The following PLEKHG4B variants were observed in gnomAD, a reference collection of about 807,000 sequenced individuals.
PLEKHG4B encodes the protein pleckstrin homology and RhoGEF domain containing G4B, also known as pleckstrin homology domain-containing family G member 4B.
A neutral mutation model predicts 121.3 loss-of-function variants in PLEKHG4B; 111 were observed. That is an observed-to-expected ratio of 0.92 (90% CI 0.78 to 1.07). PLEKHG4B has a LOEUF of 1.07. Among genes scored for constraint, PLEKHG4B ranks in the 50% least tolerant of loss-of-function variants. The pLI is 0.00. For missense variants in PLEKHG4B, 1,831 were observed against 1,757.8 expected (o/e 1.04, Z -0.74); for synonymous variants, 738 against 725.0 (o/e 1.02, Z -0.29).
At chr5:161,265 C>T (rs1319016185) in intron 11 of PLEKHG4B, among the ~76,000 whole-genome samples, 1 of 152,246 alleles carries the variant, frequency 6.6e-6, no homozygotes, top group Non-Finnish European at 1.5e-5. Context: ...AGGGGCCAAG[C>T]AGCCACTGGC....
rs29674 is a variant in PLEKHG4B, at chr5:163,145, A to C, written c.3073A>C (p.Thr1025Pro). 1,542,618 of 1,548,864 alleles carry C rather than the reference A, an allele frequency of 1. 768,614 individuals carry two copies. Among genetic ancestry groups the C allele is most frequent in the Non-Finnish European group, 1 (1,148,133 of 1,148,236 alleles). ...GCTTCTGTGTGGACAGGACGGGGAG[A>C]CCCTGCGCCCAGGGCTGTGTGCTCT... ...RALLCGQDGE[T>P]LRPGLCALWD... Residue 1025 changes from threonine (T) to proline (P), a missense_variant, in exon 13 of 20, where the codon ACC becomes CCC. By Grantham distance (38) the Thr-to-Pro change is conservative (BLOSUM62 -1). Transcript: ENST00000637938.
intron 2 of PLEKHG4B, among the ~76,000 whole-genome samples, chr5:135,277 A>C (rs1734923233): frequency 6.6e-6 from 1 of 151,942 alleles, no homozygotes; most frequent in Non-Finnish European, 1.5e-5. Context: ...AAGGTAAAAG[A>C]CTTGTTCACT....
Position 161,870 on chromosome 5 carries a change from G to C in PLEKHG4B, c.2575G>C (p.Ala859Pro). 1 of 1,613,786 alleles carries C rather than the reference G, an allele frequency of 6.2e-7. No homozygotes were observed. The highest frequency in any genetic ancestry group is 8.5e-7 in the Non-Finnish European group (1 of 1,180,014). The stretch of plus-strand genomic sequence containing the variant: ...CCAGGATTTCAGAAGGGGCCTGAGC[G>C]CCGTGGTCAGCCAGGCTGAGTGCAG... ...MVQDFRRGLSAVVSQAECREG... is the reference protein window; with the variant it reads ...MVQDFRRGLSPVVSQAECREG... Residue 859 changes from alanine (A) to proline (P), a missense_variant, in exon 12 of 20, where the codon GCC (alanine) becomes CCC (proline). Physicochemically the swap from Ala to Pro is conservative, Grantham distance 27. Coordinates refer to ENST00000637938, the MANE Select transcript of PLEKHG4B (RefSeq NM_052909.5).
At chr5:108,960 G>A (rs1296903840) in intron 1 of PLEKHG4B, among the ~76,000 whole-genome samples, 5 of 152,216 alleles carry the variant, frequency 3.3e-5, no homozygotes, top group Non-Finnish European at 7.3e-5. Context: ...CTGAATGGCT[G>A]TGACCAGGTG....
In PLEKHG4B at chr5:169,579, GT is replaced by G; in HGVS notation, c.3719del (p.Phe1240SerfsTer2). The G allele has an allele frequency of 6.2e-7, 1 of 1,613,330 alleles. No homozygotes were observed. Among genetic ancestry groups the G allele is most frequent in the African/African-American group, 1.3e-5 (1 of 75,082 alleles). Reference sequence around the variant, plus strand: ...CACTGCCCCTTGGCCGTGGGCCGCAGTTTCCTGAGACACGTAAGTGCAGGCC... The same window carrying G: ...CACTGCCCCTTGGCCGTGGGCCGCAGTTCCTGAGACACGTAAGTGCAGGCC... ...CQHCPLAVGR[S>X]FLRHEEQFGM... On this transcript the variant is annotated frameshift_variant, in exon 14 of 20. Coordinates refer to ENST00000637938, the MANE Select transcript of PLEKHG4B (RefSeq NM_052909.5). LOFTEE classifies it high-confidence loss of function.
Position 106,996 on chromosome 5 carries a change from C to T in PLEKHG4B, c.46-6255C>T, listed in dbSNP as rs1219320934. On this transcript the variant is annotated intron_variant, in intron 1 of 19. Coordinates refer to ENST00000637938, the MANE Select transcript of PLEKHG4B (RefSeq NM_052909.5). ...TGCAGTTCTTATCCGATTCTTTTCC[C>T]GGCAAGGCCTGCTCAGTGCAGACAT... Among the ~76,000 whole-genome samples the T allele has an allele frequency of 3.3e-5, 5 of 152,370 alleles. No homozygotes were observed. In the East Asian group the frequency reaches 5.8e-4, roughly 18 times the overall value.
chr5:151,402 GC>G (rs1294596686), intron 6 of PLEKHG4B, 110 bp from the exon 7 acceptor site: 1 of 610,452 alleles, frequency 1.6e-6, no homozygotes, highest in East Asian at 3.0e-5. Context: ...TGCACTGTAG[GC>G]ACTCTGGGAA....
intron 1 of PLEKHG4B, among the ~76,000 whole-genome samples, chr5:107,906 T>G (rs1032692351): frequency 6.6e-6 from 1 of 152,154 alleles, no homozygotes; most frequent in Admixed American, 6.5e-5. Flanking sequence ...TTTGTATACC[T>G]GGGCTTCAGG....
chr5:171,899 C>G (rs945996948), intron 16 of PLEKHG4B, among the ~76,000 whole-genome samples: 3 of 152,214 alleles, frequency 2.0e-5, no homozygotes, highest in Non-Finnish European at 4.4e-5. Flanking sequence ...TGCTGCTGCC[C>G]GCGACCGGCT....
intron 2 of PLEKHG4B, among the ~76,000 whole-genome samples, chr5:123,865 A>G (rs1734536224): frequency 6.6e-6 from 1 of 151,492 alleles, no homozygotes. Flanking sequence ...CTCTGTTCTA[A>G]TCTTTATTGT....
rs1449852721 is a variant in PLEKHG4B at position 137,808 on chromosome 5, T to A, written c.244-1675T>A. 1.3e-5 allele frequency among the ~76,000 whole-genome samples: 2 copies of A among 152,200 alleles called. No individual in the cohort carries two copies. The highest frequency in any genetic ancestry group is 1.3e-4 in the Admixed American group (2 of 15,286). On this transcript the variant is annotated intron_variant, in intron 2 of 19. Coordinates refer to ENST00000637938, the MANE Select transcript of PLEKHG4B (RefSeq NM_052909.5). This position sits in a 1 kb window ranked among gnomAD's most constrained non-coding sequence, Gnocchi z 4.2. ...GGGCAATAGGATCGGGGACGGACTC[T>A]GGGGGCCAGGCTCGGGGAGGCCCTT...
Position 143,510 on chromosome 5 carries a change from CG to C in PLEKHG4B, c.1811+13del. On this transcript the variant is annotated splice_region_variant and intron_variant, in intron 5 of 19. Coordinates refer to ENST00000637938, the MANE Select transcript of PLEKHG4B (RefSeq NM_052909.5). ...ACTTCCATAGCATCCCCAGGTGGGA[CG>C]GGGGGCAAGGCCGCACCCTGCAGAC... 9 of 1,612,562 alleles carry C rather than the reference CG, an allele frequency of 5.6e-6. No individual in the cohort carries two copies. The highest frequency in any genetic ancestry group is 7.6e-6 in the Non-Finnish European group (9 of 1,179,864).
chr5:141,294 A>G (rs1735192294), intron 3 of PLEKHG4B, among the ~76,000 whole-genome samples: 1 of 109,236 alleles, frequency 9.2e-6, no homozygotes, highest in Non-Finnish European at 1.8e-5. Flanking sequence ...ATCCACAAGA[A>G]GCCTGTCTCC....
intron 6 of PLEKHG4B, among the ~76,000 whole-genome samples, chr5:149,241 A>G (rs1157160832): frequency 6.6e-6 from 1 of 152,184 alleles, no homozygotes; most frequent in East Asian, 1.9e-4. Context: ...AAATTAAAAA[A>G]TGTGCATCAA....
chr5:108,406 G>A (rs186169834), intron 1 of PLEKHG4B, among the ~76,000 whole-genome samples: 146 of 152,374 alleles, frequency 9.6e-4, no homozygotes, highest in Non-Finnish European at 2.2e-4. Flanking sequence ...ATCTCCAGCG[G>A]AGAGGGTCAA....
intron 2 of PLEKHG4B, among the ~76,000 whole-genome samples, chr5:120,871 A>G (rs1316945309): frequency 6.6e-6 from 1 of 152,198 alleles, no homozygotes; most frequent in Non-Finnish European, 1.5e-5. Context: ...AACTATAATA[A>G]ATATATTAAA....
At chr5:102,394 CT>C (rs1308662367) in intron 1 of PLEKHG4B, among the ~76,000 whole-genome samples, 1 of 151,988 alleles carries the variant, frequency 6.6e-6, no homozygotes, top group Non-Finnish European at 1.5e-5. Context: ...AGAATGATGT[CT>C]TTTGTTTCCA....
At chr5:93,038 T>C (rs2126320775) in intron 1 of PLEKHG4B, among the ~76,000 whole-genome samples, 1 of 152,290 alleles carries the variant, frequency 6.6e-6, no homozygotes, top group Non-Finnish European at 1.5e-5. Flanking sequence ...TAAAGAGTGG[T>C]TGAGGTGAGG....
chr5:131,449 T>C (rs928503608), intron 2 of PLEKHG4B, among the ~76,000 whole-genome samples: 4 of 152,228 alleles, frequency 2.6e-5, no homozygotes, highest in Non-Finnish European at 5.9e-5. Flanking sequence ...CTCATGCTTT[T>C]TTTTTATGGC....
Sources: gnomAD v4.1 joint callset for allele counts (sites outside exome capture counted in the v4.1 genomes callset) on GRCh38, gnomAD v4.1.1 for gene constraint, Gnocchi (gnomAD v3.1) non-coding constraint, MANE v1.5 for transcripts, NCBI Gene and HGNC (gene_info 2026-07-23, HGNC 2026-07-21) for gene names.